PEX3: variants seen among roughly 807,000 people sequenced by gnomAD.
PEX3 encodes the protein peroxisomal biogenesis factor 3, also known as peroxin-3.
PEX3 carries 30 observed loss-of-function variants against 55.8 expected under a neutral mutation model. The observed-to-expected ratio is 0.54, with a 90% CI of 0.40 to 0.73. PEX3 has a LOEUF of 0.73. PEX3 is among the 30% of genes least tolerant of loss of function. The pLI is 0.00. For missense variants in PEX3, 351 were observed against 432.8 expected (o/e 0.81, Z 1.68); for synonymous variants, 135 against 148.4 (o/e 0.91, Z 0.66).
rs1156870194 is a variant in PEX3 at position 143,451,979 on chromosome 6, T to C, written c.73+864T>C. The stretch of plus-strand genomic sequence containing the variant: ...TTTTGAGAAATAGTCTCATCACTTA[T>C]TACATGCTATGTTTACAAAAGTACT... On this transcript the variant is annotated intron_variant, in intron 1 of 11. Transcript: ENST00000367591. This position sits in a 1 kb window ranked among gnomAD's most constrained non-coding sequence, Gnocchi z 4.1. 1.3e-5 allele frequency among the ~76,000 whole-genome samples: 2 copies of C among 152,344 alleles called. No homozygotes were observed. Among genetic ancestry groups the C allele is most frequent in the East Asian group, 3.9e-4 (2 of 5,190 alleles).
At chr6:143,484,882 A>G in intron 10 of PEX3, 1 of 407,344 alleles carries the variant, frequency 2.5e-6, no homozygotes, top group Non-Finnish European at 4.5e-6. Flanking sequence ...TACTCATAAC[A>G]ATAAAAATGC....
At chr6:143,474,521 A>T (rs922068256) in intron 8 of PEX3, among the ~76,000 whole-genome samples, 1 of 151,920 alleles carries the variant, frequency 6.6e-6, no homozygotes, top group Non-Finnish European at 1.5e-5. Context: ...TTGTCTGACT[A>T]TACTAGAAAT....
chr6:143,485,156 T>C lies in PEX3; in HGVS notation c.946T>C (p.Ser316Pro), dbSNP rs981943229. 3.8e-6 allele frequency: 6 copies of C among 1,578,670 alleles called. No individual in the cohort carries two copies. The highest frequency in any genetic ancestry group is 1.3e-5 in the African/African-American group (1 of 74,176). The change falls in exon 11 of 12, where the codon TCC becomes CCC. Residue 316 changes from serine to proline, a missense_variant. Physicochemically the swap from Ser to Pro is moderately conservative, Grantham distance 74. Transcript: ENST00000367591. This position sits in a 1 kb window ranked among gnomAD's most constrained non-coding sequence, Gnocchi z 5.6. ...LQHGNSMNSL[S>P]SVSLPLAKII... ...ATTACTGTAATGATTTTTCAGTCTT[T>C]CCAGTGTCAGCCTGCCTTTAGCTAA...
chr6:143,475,109 A>G lies in PEX3; in HGVS notation c.818+253A>G, dbSNP rs1780135027. ...CAGTCTTTTGTTTTTCCTCAGTAGGATTGTCCACTTTTTTGTTATTCAGAT... is the reference window on the plus strand; with the variant it reads ...CAGTCTTTTGTTTTTCCTCAGTAGGGTTGTCCACTTTTTTGTTATTCAGAT... On this transcript the variant is annotated intron_variant, in intron 9 of 11. Coordinates refer to ENST00000367591, the MANE Select transcript of PEX3 (RefSeq NM_003630.3). This position sits in a 1 kb window ranked among gnomAD's most constrained non-coding sequence, Gnocchi z 4.4. Among the ~76,000 whole-genome samples, 1 of 151,982 alleles carries G rather than the reference A, an allele frequency of 6.6e-6. No homozygotes were observed. The highest frequency in any genetic ancestry group is 2.4e-5 in the African/African-American group (1 of 41,358).
At chr6:143,470,314 C>T (rs1482641359) in intron 4 of PEX3, among the ~76,000 whole-genome samples, 1 of 152,266 alleles carries the variant, frequency 6.6e-6, no homozygotes, top group African/African-American at 2.4e-5. Flanking sequence ...CTCCCTCACG[C>T]TTTGATGTAC....
intron 3 of PEX3, among the ~76,000 whole-genome samples, chr6:143,467,388 T>TAAAC (rs1780007089): frequency 6.6e-6 from 1 of 152,070 alleles, no homozygotes; most frequent in Non-Finnish European, 1.5e-5. Context: ...AATAAATAAA[T>TAAAC]AAACATTTAT....
intron 10 of PEX3, among the ~76,000 whole-genome samples, chr6:143,481,878 G>A (rs140474852): frequency 6.6e-6 from 1 of 151,952 alleles, no homozygotes; most frequent in East Asian, 1.9e-4. Context: ...ACCACCAAGA[G>A]GATTGCTTGA....
chr6:143,480,677 A>T (rs1322221481), intron 10 of PEX3, among the ~76,000 whole-genome samples: 1 of 152,086 alleles, frequency 6.6e-6, no homozygotes, highest in African/African-American at 2.4e-5. Context: ...CATCAAGCCT[A>T]TTGTCATCAT....
rs3834741 is a variant in PEX3, at chr6:143,471,781, CT to C, written c.578+179del. ...GCATTGTGGGATCCATTTTCTTTAT[CT>C]TTTTTTTTATACAGAGGGGAAAGTT... On this transcript the variant is annotated intron_variant, in intron 7 of 11. Coordinates refer to ENST00000367591, the MANE Select transcript of PEX3 (RefSeq NM_003630.3). This position sits in a 1 kb window ranked among gnomAD's most constrained non-coding sequence, Gnocchi z 5.4. Among the ~76,000 whole-genome samples, 1,591 of 151,216 alleles carry C rather than the reference CT, an allele frequency of 0.011. 24 individuals are homozygous for C. Among genetic ancestry groups the C allele is most frequent in the African/African-American group, 0.036 (1,498 of 41,272 alleles).
rs374751484 is a variant in PEX3, at chr6:143,451,858, ATAT to A, written c.73+745_73+747del. ...TCCCTCATACAATGCTCATGTGATAATATTCAGGGATTTGAAGGAGGGAATAAA... is the reference window on the plus strand; with the variant it reads ...TCCCTCATACAATGCTCATGTGATAATCAGGGATTTGAAGGAGGGAATAAA... On this transcript the variant is annotated intron_variant, in intron 1 of 11. Transcript: ENST00000367591. This position sits in a 1 kb window ranked among gnomAD's most constrained non-coding sequence, Gnocchi z 4.1. 3.5e-3 allele frequency among the ~76,000 whole-genome samples: 537 copies of A among 152,366 alleles called. 2 individuals carry two copies. Among genetic ancestry groups the A allele is most frequent in the African/African-American group, 0.013 (520 of 41,590 alleles).
At position 143,459,237 on chromosome 6, in the gene PEX3, T is replaced by C; in HGVS notation, c.205+21T>C. 1.2e-6 allele frequency: 2 copies of C among 1,601,832 alleles called. No individual in the cohort carries two copies. Among genetic ancestry groups the C allele is most frequent in the Non-Finnish European group, 1.7e-6 (2 of 1,169,276 alleles). ...GACAGGTAAGACAGAGAAATATTTA[T>C]ACATGTGTAAAGTTGTTTGACGGTT... On this transcript the variant is annotated intron_variant, in intron 2 of 11. Coordinates refer to ENST00000367591, the MANE Select transcript of PEX3 (RefSeq NM_003630.3). This position sits in a 1 kb window ranked among gnomAD's most constrained non-coding sequence, Gnocchi z 4.2.
rs1258522750 is a variant in PEX3 at position 143,479,921 on chromosome 6, CTCAT to C, written c.941+729_941+732del. Among the ~76,000 whole-genome samples the C allele has an allele frequency of 6.6e-6, 1 of 151,862 alleles. No individual in the cohort carries two copies. The highest frequency in any genetic ancestry group is 2.4e-5 in the African/African-American group (1 of 41,372). On this transcript the variant is annotated intron_variant, in intron 10 of 11. Coordinates refer to ENST00000367591, the MANE Select transcript of PEX3 (RefSeq NM_003630.3). The surrounding 1 kb of genome is among the most constrained non-coding windows in gnomAD (Gnocchi z 4.6). The stretch of plus-strand genomic sequence containing the variant: ...TAAATTAATGTTGACTGACTGTAAA[CTCAT>C]TCATTAAAATTTGAGACACATCCTT...
rs749189430 is a variant in PEX3, at chr6:143,485,182, G to A, written c.972G>A (p.Lys324=). The change falls in exon 11 of 12, where the codon AAG becomes AAA. Residue 324 remains lysine, a synonymous_variant. Coordinates refer to ENST00000367591, the MANE Select transcript of PEX3 (RefSeq NM_003630.3). The surrounding 1 kb of genome is among the most constrained non-coding windows in gnomAD (Gnocchi z 5.6). ...CCAGTGTCAGCCTGCCTTTAGCTAAGATAATTCCAATAGTAAACGGACAGA... is the reference window on the plus strand; with the variant it reads ...CCAGTGTCAGCCTGCCTTTAGCTAAAATAATTCCAATAGTAAACGGACAGA... The part of the protein sequence containing the change: ...SLSSVSLPLA[K]IIPIVNGQIH... 1 of 1,605,382 alleles carries A rather than the reference G, an allele frequency of 6.2e-7. No individual in the cohort carries two copies.
intron 2 of PEX3, among the ~76,000 whole-genome samples, chr6:143,461,618 T>A (rs1779921625): frequency 6.0e-5 from 9 of 151,026 alleles, no homozygotes. Flanking sequence ...TAAATATAAG[T>A]AGTTTTCTTA....
chr6:143,485,042 AT>A lies in PEX3; in HGVS notation c.942-109del, dbSNP rs1780296465. 5.4e-6 allele frequency: 4 copies of A among 739,916 alleles called. No individual in the cohort carries two copies. The highest frequency in any genetic ancestry group is 9.7e-6 in the Non-Finnish European group (4 of 412,720). The allele number at this position is 739,916 out of a possible 1,614,324, so 45.8% of individuals were successfully genotyped here. ...ATTGTGGGGTTTTTTTTCCTTTTTA[AT>A]AGATTTCCAAAAATATTCTACAATG... On this transcript the variant is annotated intron_variant, in intron 10 of 11. Transcript: ENST00000367591. The surrounding 1 kb of genome is among the most constrained non-coding windows in gnomAD (Gnocchi z 5.6).
chr6:143,453,546 C>T lies in PEX3; in HGVS notation c.73+2431C>T, dbSNP rs551488485. Among the ~76,000 whole-genome samples the T allele has an allele frequency of 4.6e-5, 7 of 152,000 alleles. No homozygotes were observed. Among genetic ancestry groups the T allele is most frequent in the Non-Finnish European group, 8.8e-5 (6 of 68,006 alleles). ...AGACAGGATCTTGCTCTGTTACCCACGCTAGAATACAATGGTGTGATCGTA... is the reference window on the plus strand; with the variant it reads ...AGACAGGATCTTGCTCTGTTACCCATGCTAGAATACAATGGTGTGATCGTA... On this transcript the variant is annotated intron_variant, in intron 1 of 11. Transcript: ENST00000367591. The surrounding 1 kb of genome is among the most constrained non-coding windows in gnomAD (Gnocchi z 4.6).
At chr6:143,455,147 A>AT (rs1779825715) in intron 1 of PEX3, among the ~76,000 whole-genome samples, 1 of 148,264 alleles carries the variant, frequency 6.7e-6, no homozygotes, top group South Asian at 2.1e-4. Flanking sequence ...ATGCAGCATC[A>AT]TGCAAGATAA....
At chr6:143,469,588 A>T (rs1463496736) in intron 4 of PEX3, among the ~76,000 whole-genome samples, 2 of 152,182 alleles carry the variant, frequency 1.3e-5, no homozygotes, top group Non-Finnish European at 2.9e-5. Flanking sequence ...CCTTTGTCAG[A>T]TGGGTAGATT....
intron 4 of PEX3, 95 bp from the exon 5 acceptor site, chr6:143,470,866 A>T: frequency 1.0e-6 from 1 of 997,994 alleles, no homozygotes; most frequent in Non-Finnish European, 1.5e-6. Flanking sequence ...TATGTTTTTA[A>T]AAGTCATCTT....
Sources: gnomAD v4.1 joint callset for allele counts (sites outside exome capture counted in the v4.1 genomes callset) on GRCh38, gnomAD v4.1.1 for gene constraint, Gnocchi (gnomAD v3.1) non-coding constraint, MANE v1.5 for transcripts, NCBI Gene and HGNC (gene_info 2026-07-23, HGNC 2026-07-21) for gene names.